The following MAP7D2 variants were observed in gnomAD, a reference collection of about 807,000 sequenced individuals.
The protein encoded by MAP7D2 is MAP7 domain containing 2.
In MAP7D2, 33 loss-of-function variants were observed where a neutral mutation model predicts 63.5. The observed-to-expected ratio is 0.52, with a 90% CI of 0.39 to 0.70. The LOEUF is 0.70. Among genes scored for constraint, MAP7D2 ranks in the 30% least tolerant of loss-of-function variants. The pLI is 0.00. For synonymous variants in MAP7D2, 224 were observed against 223.7 expected, an observed-to-expected ratio of 1.00 and a Z score of -0.01; for missense variants, 626 against 604.0, an observed-to-expected ratio of 1.04 and a Z score of -0.38.
intron 1 of MAP7D2, among the ~76,000 whole-genome samples, chrX:20,115,912 C>T (rs950239390): frequency 1.2e-4 from 13 of 112,808 alleles, no homozygotes; most frequent in African/African-American, 3.5e-4. Flanking sequence ...TCAGGAAAAA[C>T]AGCATGAAAT....
At chrX:20,020,992 A>G (rs2073617794) in intron 10 of MAP7D2, among the ~76,000 whole-genome samples, 1 of 112,079 alleles carries the variant, frequency 8.9e-6, no homozygotes, top group Non-Finnish European at 1.9e-5. Context: ...TCTGGCTGGA[A>G]TATTCTTTCA....
chrX:20,099,722 T>A (rs1181605217), intron 1 of MAP7D2, among the ~76,000 whole-genome samples: 1 of 112,098 alleles, frequency 8.9e-6, no homozygotes, highest in African/African-American at 3.2e-5. Context: ...TGTTGCTACA[T>A]GAGCAGAGTC....
chrX:20,080,716 G>C, intron 1 of MAP7D2, among the ~76,000 whole-genome samples: 1 of 111,732 alleles, frequency 8.9e-6, no homozygotes, highest in South Asian at 3.8e-4. Context: ...CAGGTAGCCT[G>C]GGTTCTAACC....
intron 8 of MAP7D2, among the ~76,000 whole-genome samples, chrX:20,028,324 T>A (rs774979637): frequency 8.9e-6 from 1 of 112,092 alleles, no homozygotes; most frequent in Non-Finnish European, 1.9e-5. Flanking sequence ...ATGTTCTTTA[T>A]AGAACTGGCA....
At chrX:20,097,012 G>C (rs1452956213) in intron 1 of MAP7D2, among the ~76,000 whole-genome samples, 1 of 111,490 alleles carries the variant, frequency 9.0e-6, no homozygotes, top group Non-Finnish European at 1.9e-5. Context: ...ACTGAAGCCT[G>C]AATGAACATC....
At chrX:20,022,198 G>T (rs2073676260) in intron 10 of MAP7D2, among the ~76,000 whole-genome samples, 1 of 111,685 alleles carries the variant, frequency 9.0e-6, no homozygotes, top group Non-Finnish European at 1.9e-5. Context: ...AAGTCCACGT[G>T]GGGGCAAAGT....
At chrX:20,084,093 C>T (rs1468141577) in intron 1 of MAP7D2, among the ~76,000 whole-genome samples, 6 of 108,807 alleles carry the variant, frequency 5.5e-5, no homozygotes, top group African/African-American at 1.7e-4. Context: ...CCCAGCTACT[C>T]GGGAGTGTGA....
At chrX:20,107,307 A>C (rs1042852676) in intron 1 of MAP7D2, among the ~76,000 whole-genome samples, 1 of 111,317 alleles carries the variant, frequency 9.0e-6, no homozygotes, top group African/African-American at 3.3e-5. Flanking sequence ...GCGGTGGCTC[A>C]AACCTGTAAT....
chrX:20,098,559 G>C (rs769403761), intron 1 of MAP7D2, among the ~76,000 whole-genome samples: 15 of 110,474 alleles, frequency 1.4e-4, no homozygotes, highest in African/African-American at 2.3e-4. Context: ...CTACACGGTG[G>C]GGGGGGGAGC....
chrX:20,110,862 T>G (rs2066723016), intron 1 of MAP7D2, among the ~76,000 whole-genome samples: 1 of 110,588 alleles, frequency 9.0e-6, no homozygotes, highest in Non-Finnish European at 1.9e-5. Context: ...CACTAACAAT[T>G]TCTCATTTCC....
intron 3 of MAP7D2, among the ~76,000 whole-genome samples, chrX:20,059,365 A>G (rs1206043851): frequency 8.9e-6 from 1 of 111,965 alleles, no homozygotes; most frequent in African/African-American, 3.2e-5. Flanking sequence ...ACCCCCAAGC[A>G]AGAGCCACTG....
chrX:20,050,138 G>A (rs1406542523), intron 6 of MAP7D2, among the ~76,000 whole-genome samples: 1 of 111,604 alleles, frequency 9.0e-6, no homozygotes, highest in East Asian at 2.8e-4. Context: ...CAAAGAGAAT[G>A]CCAGCCGCCA....
chrX:20,036,210 A>G, intron 8 of MAP7D2, among the ~76,000 whole-genome samples: 1 of 110,093 alleles, frequency 9.1e-6, no homozygotes, highest in Non-Finnish European at 1.9e-5. Flanking sequence ...GGGTGGCAAA[A>G]TAATATGTAC....
At chrX:20,046,924 TTC>T (rs1309034980) in intron 6 of MAP7D2, among the ~76,000 whole-genome samples, 1 of 112,748 alleles carries the variant, frequency 8.9e-6, no homozygotes, top group Non-Finnish European at 1.9e-5. Flanking sequence ...GACATTTGTG[TTC>T]TGTTTTCCAT....
intron 8 of MAP7D2, among the ~76,000 whole-genome samples, chrX:20,032,415 C>CTTA (rs1262891638): frequency 2.7e-5 from 3 of 110,784 alleles, no homozygotes; most frequent in Admixed American, 9.6e-5. Flanking sequence ...CCCAGAGAAG[C>CTTA]TTATGGGAAG....
intron 1 of MAP7D2, among the ~76,000 whole-genome samples, chrX:20,111,518 G>A (rs1268113666): frequency 9.0e-6 from 1 of 111,236 alleles, no homozygotes; most frequent in Non-Finnish European, 1.9e-5. Context: ...CAATTGCAAC[G>A]CGTGTCTGCA....
intron 1 of MAP7D2, among the ~76,000 whole-genome samples, chrX:20,098,565 G>A (rs761576827): frequency 3.1e-4 from 34 of 110,851 alleles, no homozygotes; most frequent in Non-Finnish European, 6.1e-4. Context: ...GGTGGGGGGG[G>A]GAGCGGGTAG....
intron 1 of MAP7D2, among the ~76,000 whole-genome samples, chrX:20,098,561 G>T (rs1015436068): frequency 9.0e-6 from 1 of 111,192 alleles, no homozygotes; most frequent in Non-Finnish European, 1.9e-5. Context: ...ACACGGTGGG[G>T]GGGGGAGCGG....
At chrX:20,039,282 C>T (rs745416706) in intron 8 of MAP7D2, among the ~76,000 whole-genome samples, 5 of 112,611 alleles carry the variant, frequency 4.4e-5, no homozygotes, top group African/African-American at 1.6e-4. Flanking sequence ...CATGGAATGC[C>T]TTATCCACCT....
Sources: allele counts gnomAD v4.1 joint callset (sites outside exome capture counted in the v4.1 genomes callset), GRCh38; gene constraint gnomAD v4.1.1; transcripts MANE v1.5; gene names NCBI Gene and HGNC (gene_info 2026-07-23, HGNC 2026-07-21).